Variants in CNTNAP2 observed in about 807,000 individuals in gnomAD.
CNTNAP2 encodes the protein contactin associated protein 2.
Under a neutral mutation model 155.2 loss-of-function variants are expected in CNTNAP2, and 98 were observed. The observed-to-expected ratio is 0.63, with a 90% CI of 0.54 to 0.75. CNTNAP2 has a LOEUF of 0.75. CNTNAP2 is among the 30% of genes least tolerant of loss of function. The probability of loss-of-function intolerance (pLI) is 0.00; values close to 1 mark genes in which losing one functional copy is unlikely to be tolerated. For missense variants in CNTNAP2, 1,727 were observed against 1,688.1 expected (o/e 1.02, Z -0.40); for synonymous variants, 651 against 631.2 (o/e 1.03, Z -0.47).
rs567604500 is a variant in CNTNAP2, at chr7:147,610,329, G to T, written c.1898-28777G>T. 2.0e-5 allele frequency among the ~76,000 whole-genome samples: 3 copies of T among 150,532 alleles called. No homozygotes were observed. In the East Asian group the frequency reaches 6.1e-4, roughly 31 times the overall value. ...TTTCTTTGTTTGTTTGTTTCTTTTT[G>T]TCTCTTGTGATCCAAGTTTTCTTCT... On this transcript the variant is annotated intron_variant, in intron 12 of 23. Coordinates refer to ENST00000361727, the MANE Select transcript of CNTNAP2 (RefSeq NM_014141.6).
intron 1 of CNTNAP2, among the ~76,000 whole-genome samples, chr7:146,424,515 C>T (rs1439284188): frequency 2.6e-5 from 4 of 152,198 alleles, no homozygotes; most frequent in Non-Finnish European, 5.9e-5. Context: ...CATGGTTCAG[C>T]AAACGCCTTC....
chr7:146,956,975 A>T (rs1019671639), intron 3 of CNTNAP2, among the ~76,000 whole-genome samples: 1 of 152,170 alleles, frequency 6.6e-6, no homozygotes, highest in Admixed American at 6.5e-5. Context: ...CCTTTTGAGA[A>T]CTGCGTCCTT....
intron 1 of CNTNAP2, chr7:146,311,592 A>G (rs1800821194): frequency 6.8e-6 from 1 of 147,914 alleles, no homozygotes; most frequent in South Asian, 2.2e-4. Context: ...GCAACAAAGC[A>G]AGACCTTGTC....
chr7:146,885,855 T>G (rs1392884315), intron 3 of CNTNAP2, among the ~76,000 whole-genome samples: 2 of 152,238 alleles, frequency 1.3e-5, no homozygotes, highest in East Asian at 1.9e-4. Context: ...TTCAATAATA[T>G]GTGAGTGTAT....
chr7:146,125,837 G>C (rs1302921354), intron 1 of CNTNAP2, among the ~76,000 whole-genome samples: 1 of 152,076 alleles, frequency 6.6e-6, no homozygotes, highest in Non-Finnish European at 1.5e-5. Flanking sequence ...GCCTGATTGA[G>C]TTCCACAAAT....
intron 14 of CNTNAP2, among the ~76,000 whole-genome samples, chr7:147,914,652 C>G (rs528863745): frequency 6.6e-6 from 1 of 152,162 alleles, no homozygotes; most frequent in Non-Finnish European, 1.5e-5. Flanking sequence ...CCTCGACCTC[C>G]CCAGGCTCAG....
At chr7:148,099,300 C>A (rs1285949060) in intron 15 of CNTNAP2, among the ~76,000 whole-genome samples, 1 of 152,006 alleles carries the variant, frequency 6.6e-6, no homozygotes, top group African/African-American at 2.4e-5. Context: ...ATGCCATTAT[C>A]ATAGATTTTA....
chr7:147,007,597 TG>T (rs1216319794), intron 3 of CNTNAP2, among the ~76,000 whole-genome samples: 7 of 152,098 alleles, frequency 4.6e-5, no homozygotes, highest in Admixed American at 4.6e-4. Context: ...GTTTCTTGGT[TG>T]TGGGTTGTGG....
chr7:147,864,629 G>A (rs1350698727), intron 13 of CNTNAP2, among the ~76,000 whole-genome samples: 3 of 152,082 alleles, frequency 2.0e-5, no homozygotes, highest in African/African-American at 7.2e-5. Context: ...AGTTCTCCTT[G>A]AAGAGGTCCT....
chr7:146,374,862 T>C (rs1039760171), intron 1 of CNTNAP2, among the ~76,000 whole-genome samples: 2 of 152,156 alleles, frequency 1.3e-5, no homozygotes, highest in African/African-American at 4.8e-5. Flanking sequence ...ACTAAGTAAG[T>C]GAATGTGCAA....
chr7:146,593,901 A>G lies in CNTNAP2; in HGVS notation c.98-180370A>G, dbSNP rs1798820475. ...GCAGAGTTGGTTTAATTTTAGCAAGACTCTTGCAGAGTTAGTTTAGCCAGG... is the reference window on the plus strand; with the variant it reads ...GCAGAGTTGGTTTAATTTTAGCAAGGCTCTTGCAGAGTTAGTTTAGCCAGG... On this transcript the variant is annotated intron_variant, in intron 1 of 23. Coordinates refer to ENST00000361727, the MANE Select transcript of CNTNAP2 (RefSeq NM_014141.6). 1.3e-5 allele frequency among the ~76,000 whole-genome samples: 2 copies of G among 151,930 alleles called. 1 individual carries two copies. Among genetic ancestry groups the G allele is most frequent in the Admixed American group, 1.3e-4 (2 of 15,254 alleles).
intron 1 of CNTNAP2, among the ~76,000 whole-genome samples, chr7:146,186,230 G>A (rs751090129): frequency 2.0e-5 from 3 of 151,974 alleles, no homozygotes; most frequent in Non-Finnish European, 2.9e-5. Flanking sequence ...TTTACTGAAT[G>A]CCCCCAATAA....
chr7:146,624,049 T>C (rs1007332947), intron 1 of CNTNAP2, among the ~76,000 whole-genome samples: 6 of 152,114 alleles, frequency 3.9e-5, no homozygotes, highest in African/African-American at 1.4e-4. Flanking sequence ...TTGTCATCTC[T>C]ATATCATTTT....
chr7:148,330,748 T>A, intron 21 of CNTNAP2, among the ~76,000 whole-genome samples: 1 of 139,108 alleles, frequency 7.2e-6, no homozygotes, highest in African/African-American at 2.8e-5. Context: ...GATGGATGGA[T>A]GGAGTGGACG....
intron 11 of CNTNAP2, among the ~76,000 whole-genome samples, chr7:147,527,413 G>A (rs1324630535): frequency 1.3e-5 from 2 of 152,232 alleles, no homozygotes; most frequent in African/African-American, 2.4e-5. Context: ...AAAGTGAAAA[G>A]CTGCAAAATT....
chr7:148,101,283 T>C (rs1804093927), intron 15 of CNTNAP2, among the ~76,000 whole-genome samples: 1 of 149,726 alleles, frequency 6.7e-6, no homozygotes, highest in Non-Finnish European at 1.5e-5. Flanking sequence ...TGAAGTATTA[T>C]AATAATAAAA....
At chr7:147,352,965 G>T (rs980791351) in intron 9 of CNTNAP2, among the ~76,000 whole-genome samples, 7 of 151,614 alleles carry the variant, frequency 4.6e-5, no homozygotes, top group Non-Finnish European at 8.8e-5. Context: ...ACTAAGTAAA[G>T]ACTGGGTTCT....
chr7:147,216,566 A>T (rs372496936), intron 8 of CNTNAP2, among the ~76,000 whole-genome samples: 4 of 33,406 alleles, frequency 1.2e-4, no homozygotes, highest in Non-Finnish European at 2.3e-4. Context: ...ACTTATTTAC[A>T]GTCTTATTTA....
intron 8 of CNTNAP2, among the ~76,000 whole-genome samples, chr7:147,181,943 G>A (rs1802464824): frequency 6.6e-6 from 1 of 151,812 alleles, no homozygotes; most frequent in African/African-American, 2.4e-5. Context: ...TGACCAACAT[G>A]GTGAAACCCC....
Sources: gnomAD v4.1 joint callset for allele counts (sites outside exome capture counted in the v4.1 genomes callset) on GRCh38, gnomAD v4.1.1 for gene constraint, MANE v1.5 for transcripts, NCBI Gene and HGNC (gene_info 2026-07-23, HGNC 2026-07-21) for gene names.